TNRC18: variants seen among roughly 807,000 people sequenced by gnomAD.
The protein encoded by TNRC18 is trinucleotide repeat-containing gene 18 protein.
A neutral mutation model predicts 226.7 loss-of-function variants in TNRC18; 69 were observed. That is an observed-to-expected ratio of 0.30 (90% CI 0.25 to 0.37). The LOEUF is 0.37. TNRC18 is among the 10% of genes least tolerant of loss of function. The pLI is 1.00. For synonymous variants in TNRC18, 2,449 were observed against 1,927.6 expected, an observed-to-expected ratio of 1.27 and a Z score of -7.09; for missense variants, 4,754 against 4,256.6, an observed-to-expected ratio of 1.12 and a Z score of -3.25.
chr7:5,325,152 GGGA>G lies in TNRC18; in HGVS notation c.6241_6243del (p.Ser2081del). 1 of 1,551,802 alleles carries G rather than the reference GGGA, an allele frequency of 6.4e-7. No individual in the cohort carries two copies. The highest frequency in any genetic ancestry group is 1.4e-5 in the African/African-American group (1 of 73,262). The stretch of plus-strand genomic sequence containing the variant: ...GCTTTGCTCCTTTTGGCAGCGGTCA[GGGA>G]GCTGGCGTGAGGAGCCCTGGCCTCA... On this transcript the variant is annotated inframe_deletion, in exon 20 of 30. Coordinates refer to ENST00000430969, the MANE Select transcript of TNRC18 (RefSeq NM_001080495.3).
At chr7:5,356,848 G>C in intron 16 of TNRC18, 68 bp downstream of exon 16, 2 of 1,457,066 alleles carry the variant, frequency 1.4e-6, no homozygotes, top group South Asian at 1.4e-5. Flanking sequence ...GAAGGAGGAC[G>C]GTGGAGAGAA....
At position 5,313,320 on chromosome 7, in the gene TNRC18, TCCC is replaced by T. The variant is rs1243449502; in HGVS notation, c.7568_7570del (p.Gly2523del). 5 of 1,550,174 alleles carry T rather than the reference TCCC, an allele frequency of 3.2e-6. No individual in the cohort carries two copies. Among genetic ancestry groups the T allele is most frequent in the African/African-American group, 1.4e-5 (1 of 73,124 alleles). On this transcript the variant is annotated inframe_deletion, in exon 27 of 30. Transcript: ENST00000430969. ...CCCCGGCCCGGGCTCCTGGGCGAGG[TCCC>T]CGTCGGTGGCCTTGGGCCAGGGTGC...
intron 18 of TNRC18, among the ~76,000 whole-genome samples, chr7:5,343,400 G>A (rs569224778): frequency 1.8e-4 from 28 of 152,110 alleles, no homozygotes; most frequent in Non-Finnish European, 3.7e-4. Flanking sequence ...GAGACTACAG[G>A]ATAGTGTAAA....
chr7:5,320,223 T>C lies in TNRC18; in HGVS notation c.6745+95A>G, dbSNP rs1019643277. On this transcript the variant is annotated intron_variant, in intron 24 of 29. Coordinates refer to ENST00000430969, the MANE Select transcript of TNRC18 (RefSeq NM_001080495.3). ...TCAGTTATGTGAGCCCACAAGTCTT[T>C]ATTCTTAAGCCAGTTAGAGTTGGGT... is the stretch of plus-strand genomic sequence containing the variant. 1.3e-5 allele frequency: 13 copies of C among 966,258 alleles called. No homozygotes were observed. The African/African-American group carries it at 1.9e-4, about 14-fold the overall frequency. The allele number at this position is 966,258 out of a possible 1,614,324, so 59.9% of individuals were successfully genotyped here.
Position 5,345,691 on chromosome 7 carries a change from C to T in TNRC18, c.5590G>A (p.Gly1864Arg). 4 of 1,549,586 alleles carry T rather than the reference C, an allele frequency of 2.6e-6. No homozygotes were observed. Among genetic ancestry groups the T allele is most frequent in the Non-Finnish European group, 3.5e-6 (4 of 1,146,918 alleles). Residue 1864 changes from glycine (G) to arginine (R), a missense_variant, in exon 18 of 30, where the codon GGG becomes AGG. Coordinates refer to ENST00000430969, the MANE Select transcript of TNRC18 (RefSeq NM_001080495.3). The part of the protein sequence containing the change: ...RALSPGLEES[G>R]LGLLARFAAS... Reference sequence around the variant, plus strand: ...GCGAAGCGTGCCAGCAGGCCCAGCCCACTCTCCTCCAGGCCCGGTGACAGG... The same window carrying T: ...GCGAAGCGTGCCAGCAGGCCCAGCCTACTCTCCTCCAGGCCCGGTGACAGG...
intron 2 of TNRC18, among the ~76,000 whole-genome samples, chr7:5,397,831 G>C (rs1780800335): frequency 6.6e-6 from 1 of 152,108 alleles, no homozygotes; most frequent in Non-Finnish European, 1.5e-5. Flanking sequence ...AGATCTGCCA[G>C]CCTCCTTGTG....
chr7:5,318,163 C>T (rs1209497915), intron 24 of TNRC18, among the ~76,000 whole-genome samples: 4 of 152,108 alleles, frequency 2.6e-5, no homozygotes, highest in Non-Finnish European at 2.9e-5. Flanking sequence ...TGAGCCACCA[C>T]GCCTGGCCCA....
chr7:5,349,573 A>G (rs200432588), intron 17 of TNRC18, among the ~76,000 whole-genome samples: 67 of 152,296 alleles, frequency 4.4e-4, no homozygotes, highest in Non-Finnish European at 8.5e-4. Context: ...TGCACGGAGG[A>G]CAGAAAGAAA....
chr7:5,411,227 A>G (rs566747278), intron 2 of TNRC18, among the ~76,000 whole-genome samples: 7 of 151,792 alleles, frequency 4.6e-5, no homozygotes, highest in South Asian at 4.2e-4. Flanking sequence ...AAAAAAAAAA[A>G]AAAAAAGAAA....
chr7:5,309,890 T>C lies in TNRC18; in HGVS notation c.8389-522A>G, dbSNP rs1260684055. On this transcript the variant is annotated intron_variant, in intron 27 of 29. Coordinates refer to ENST00000430969, the MANE Select transcript of TNRC18 (RefSeq NM_001080495.3). The surrounding 1 kb of genome is among the most constrained non-coding windows in gnomAD (Gnocchi z 5.7). Reference sequence around the variant, plus strand: ...GCACTAGGATCGCAGTGTCAGCCACTGCACCTGGCCTTATTTTTCTTTTGA... The same window carrying C: ...GCACTAGGATCGCAGTGTCAGCCACCGCACCTGGCCTTATTTTTCTTTTGA... 3.3e-5 allele frequency among the ~76,000 whole-genome samples: 5 copies of C among 152,080 alleles called. No individual in the cohort carries two copies. The highest frequency in any genetic ancestry group is 7.4e-5 in the Non-Finnish European group (5 of 68,022).
chr7:5,377,463 C>T lies in TNRC18; in HGVS notation c.2369G>A (p.Arg790His), dbSNP rs1363749017. 5.7e-6 allele frequency: 9 copies of T among 1,577,710 alleles called. No homozygotes were observed. The highest frequency in any genetic ancestry group is 2.3e-5 in the East Asian group (1 of 42,602). ...TGGPALAGSG[R>H]WSADPAAHLA... ...ATGGGCTGCGGGGTCGGCAGACCAG[C>T]GACCTGAGCCCGCCAGCGCCGGGCC... is the stretch of plus-strand genomic sequence containing the variant. Residue 790 changes from arginine to histidine, a missense_variant, in exon 7 of 30, where the codon CGC becomes CAC. Coordinates refer to ENST00000430969, the MANE Select transcript of TNRC18 (RefSeq NM_001080495.3). This position sits in a 1 kb window ranked among gnomAD's most constrained non-coding sequence, Gnocchi z 5.8.
At chr7:5,356,072 G>A (rs1299682539) in intron 16 of TNRC18, among the ~76,000 whole-genome samples, 1 of 151,774 alleles carries the variant, frequency 6.6e-6, no homozygotes, top group Non-Finnish European at 1.5e-5. Flanking sequence ...GCAGAGCCAA[G>A]GGAATCGCTT....
chr7:5,373,519 C>A (rs903366204), intron 10 of TNRC18, among the ~76,000 whole-genome samples: 1 of 152,186 alleles, frequency 6.6e-6, no homozygotes, highest in Non-Finnish European at 1.5e-5. Flanking sequence ...GCTCACCCAG[C>A]CTTGGTGCCA....
chr7:5,340,994 C>A (rs1790627460), intron 18 of TNRC18, among the ~76,000 whole-genome samples: 1 of 152,130 alleles, frequency 6.6e-6, no homozygotes, highest in African/African-American at 2.4e-5. Flanking sequence ...CAAAGGACAG[C>A]CCGACTTTTG....
intron 2 of TNRC18, among the ~76,000 whole-genome samples, chr7:5,409,315 T>G (rs185302347): frequency 5.3e-4 from 80 of 151,262 alleles, no homozygotes; most frequent in African/African-American, 1.9e-3. Context: ...ATCCTAGTAA[T>G]GGGAATTAAT....
chr7:5,327,726 G>A (rs1001535466), intron 19 of TNRC18, among the ~76,000 whole-genome samples: 38 of 152,062 alleles, frequency 2.5e-4, no homozygotes, highest in African/African-American at 9.2e-4. Context: ...ACGGCTGGGT[G>A]CCTTCCCCTA....
chr7:5,389,972 A>AGGCCTAGCAG (rs1032458028), intron 4 of TNRC18: 2 of 171,946 alleles, frequency 1.2e-5, no homozygotes, highest in African/African-American at 4.7e-5. Context: ...GTTGCCCGGA[A>AGGCCTAGCAG]GGCCTAGCAG....
Position 5,376,135 on chromosome 7 carries a change from G to T in TNRC18, c.2698C>A (p.Gln900Lys). ...RSPLHHAQQLQLFSQQHFLRQ... is the reference protein window; with the variant it reads ...RSPLHHAQQLKLFSQQHFLRQ... ...AGGAAGTGCTGCTGTGAGAAGAGCT[G>T]CAGCTGCTGGGCGTGGTGCAGGGGG... Residue 900 changes from glutamine to lysine, a missense_variant, in exon 9 of 30, where the codon CAG becomes AAG. Physicochemically the swap from Gln to Lys is moderately conservative, Grantham distance 53 (BLOSUM62 1). Transcript: ENST00000430969. 6.3e-7 allele frequency: 1 copy of T among 1,588,822 alleles called. No homozygotes were observed. The highest frequency in any genetic ancestry group is 2.3e-5 in the East Asian group (1 of 43,572).
intron 26 of TNRC18, among the ~76,000 whole-genome samples, chr7:5,314,137 T>C (rs1211494093): frequency 6.6e-6 from 1 of 150,376 alleles, no homozygotes; most frequent in African/African-American, 2.5e-5. Flanking sequence ...TTTTTTGTAT[T>C]ATTATTTTTT....
Sources: gnomAD v4.1 joint callset for allele counts (sites outside exome capture counted in the v4.1 genomes callset) on GRCh38, gnomAD v4.1.1 for gene constraint, Gnocchi (gnomAD v3.1) non-coding constraint, MANE v1.5 for transcripts, NCBI Gene and HGNC (gene_info 2026-07-23, HGNC 2026-07-21) for gene names.